The following GBP2 variants were observed in gnomAD, a reference collection of about 807,000 sequenced individuals.
GBP2 encodes the protein guanylate-binding protein 2.
A neutral mutation model predicts 60.8 loss-of-function variants in GBP2; 54 were observed. That is an observed-to-expected ratio of 0.89 (90% confidence interval 0.71 to 1.11). The LOEUF (loss-of-function observed/expected upper bound fraction) is 1.11, where lower values mean the gene tolerates loss of function less well. Ranked by LOEUF, GBP2 falls within the 50% of genes most tolerant of loss-of-function variation. The probability of loss-of-function intolerance (pLI) is 0.00; values close to 1 mark genes in which losing one functional copy is unlikely to be tolerated. For missense variants in GBP2, 665 were observed against 703.3 expected, an observed-to-expected ratio of 0.95 and a Z score of 0.62; for synonymous variants, 243 against 256.5, an observed-to-expected ratio of 0.95 and a Z score of 0.50.
chr1:89,121,637 T>G, intron 2 of GBP2, 140 bp downstream of exon 2: 1 of 852,228 alleles, frequency 1.2e-6, no homozygotes, highest in Non-Finnish European at 1.8e-6. Flanking sequence ...TCCTCCAAAG[T>G]CAATGTAAAG....
At chr1:89,124,507 C>A (rs79494675) in intron 1 of GBP2, among the ~76,000 whole-genome samples, 2,938 of 152,322 alleles carry the variant, frequency 0.019, 34 homozygotes, top group Middle Eastern at 0.065. Flanking sequence ...CTCATGTACA[C>A]AGTAATAGGA....
At chr1:89,121,055 A>T in intron 3 of GBP2, 88 bp downstream of exon 3, 3 of 952,346 alleles carry the variant, frequency 3.2e-6, no homozygotes, top group Non-Finnish European at 4.8e-6. Flanking sequence ...AGTAGGAGTG[A>T]TTGTGCAAAG....
intron 4 of GBP2, 107 bp downstream of exon 4, chr1:89,120,072 G>A: frequency 5.5e-6 from 4 of 731,034 alleles, no homozygotes; most frequent in South Asian, 1.6e-5. Flanking sequence ...ATTAAAGAGA[G>A]GACTTATGAA....
At chr1:89,119,486 T>C (rs1255230338) in intron 4 of GBP2, 1 of 152,278 alleles carries the variant, frequency 6.6e-6, no homozygotes, top group African/African-American at 2.4e-5. Flanking sequence ...AATAAGGTGA[T>C]GGAACTGAGA....
At chr1:89,124,374 G>A (rs948392196) in intron 1 of GBP2, among the ~76,000 whole-genome samples, 2 of 152,122 alleles carry the variant, frequency 1.3e-5, no homozygotes, top group South Asian at 4.1e-4. Context: ...GTATCTCACT[G>A]TTCAGAAAAT....
At chr1:89,109,009 C>T (rs1681108473) in intron 10 of GBP2, among the ~76,000 whole-genome samples, 1 of 151,980 alleles carries the variant, frequency 6.6e-6, no homozygotes, top group Non-Finnish European at 1.5e-5. Flanking sequence ...GATTCTCCTG[C>T]CTCAGCCTCC....
Position 89,108,231 on chromosome 1 carries a change from T to C in GBP2, c.1720A>G (p.Ile574Val), listed in dbSNP as rs1186781528. 3 of 1,613,586 alleles carry C rather than the reference T, an allele frequency of 1.9e-6. No individual in the cohort carries two copies. The highest frequency in any genetic ancestry group is 2.5e-6 in the Non-Finnish European group (3 of 1,179,788). The change falls in exon 11 of 11, where the codon ATA (isoleucine) becomes GTA (valine). Residue 574 changes from isoleucine (I) to valine (V), a missense_variant. Ile to Val is a conservative substitution (Grantham distance 29). Coordinates refer to ENST00000370466, the MANE Select transcript of GBP2 (RefSeq NM_004120.5). Reference protein sequence around the residue: ...ENESKRLQKDIWDIQMRSKSL... With the variant: ...ENESKRLQKDVWDIQMRSKSL... ...TTGCTTCTCATCTGGATATCCCATA[T>C]GTCTTTTTGAAGTCTCTTGCTCTCA... is the stretch of plus-strand genomic sequence containing the variant.
chr1:89,114,625 G>A (rs1681231742), intron 6 of GBP2, among the ~76,000 whole-genome samples: 1 of 152,190 alleles, frequency 6.6e-6, no homozygotes, highest in Non-Finnish European at 1.5e-5. Context: ...AAAAGTCAAT[G>A]AGAAAACTTA....
chr1:89,110,065 C>T lies in GBP2; in HGVS notation c.1465+99G>A, dbSNP rs149073470. On this transcript the variant is annotated intron_variant, in intron 9 of 10. Coordinates refer to ENST00000370466, the MANE Select transcript of GBP2 (RefSeq NM_004120.5). ...CTCATAGAACTATGAATGATACTTG[C>T]CATTCTTTCTCTACAATAATAATTC... 3.4e-4 allele frequency: 336 copies of T among 976,600 alleles called. 1 individual carries two copies. In the African/African-American group the frequency reaches 5.0e-3, roughly 15 times the overall value. 60.5% of individuals were successfully genotyped at this position (976,600 alleles called of 1,614,324 possible).
At position 89,107,551 on chromosome 1, in the gene GBP2, C is replaced by G. The variant is rs1009419409; in HGVS notation, c.*624G>C. Among the ~76,000 whole-genome samples, 6 of 152,180 alleles carry G rather than the reference C, an allele frequency of 3.9e-5. 1 individual carries two copies. The highest frequency in any genetic ancestry group is 1.4e-4 in the African/African-American group (6 of 41,456). On this transcript the variant is annotated 3_prime_UTR_variant, in exon 11 of 11. Transcript: ENST00000370466. ...TGCACAGAGGCAACCACTTTCTCTG[C>G]TAGTGCCCACAGATCATGCAGCCTC...
chr1:89,122,317 C>T (rs564969301), intron 1 of GBP2, among the ~76,000 whole-genome samples: 1 of 152,314 alleles, frequency 6.6e-6, no homozygotes, highest in South Asian at 2.1e-4. Flanking sequence ...TCCTTATTCA[C>T]ATTTCACCAG....
intron 2 of GBP2, 142 bp downstream of exon 2, chr1:89,121,635 A>G: frequency 1.2e-6 from 1 of 842,732 alleles, no homozygotes; most frequent in South Asian, 2.0e-5. Context: ...AATCCTCCAA[A>G]GTCAATGTAA....
intron 8 of GBP2, among the ~76,000 whole-genome samples, chr1:89,110,942 A>T (rs1241904624): frequency 1.3e-5 from 2 of 152,348 alleles, no homozygotes; most frequent in East Asian, 3.9e-4. Flanking sequence ...ACAATACATT[A>T]AAAGGATCAC....
intron 8 of GBP2, among the ~76,000 whole-genome samples, chr1:89,110,643 A>G (rs1681143135): frequency 6.6e-6 from 1 of 152,196 alleles, no homozygotes; most frequent in Non-Finnish European, 1.5e-5. Flanking sequence ...ATGTTCTCAC[A>G]CATAAATTGG....
intron 3 of GBP2, among the ~76,000 whole-genome samples, chr1:89,120,493 A>G (rs1681376492): frequency 6.6e-6 from 1 of 152,196 alleles, no homozygotes; most frequent in Admixed American, 6.5e-5. Flanking sequence ...TTATATATAA[A>G]TATATGTCAG....
Position 89,112,589 on chromosome 1 carries a change from A to C in GBP2, c.1245T>G (p.Pro415=). The C allele has an allele frequency of 6.2e-7, 1 of 1,614,170 alleles. No homozygotes were observed. The highest frequency in any genetic ancestry group is 8.5e-7 in the Non-Finnish European group (1 of 1,180,016). The change falls in exon 8 of 11, where the codon CCT becomes CCG. Residue 415 remains proline, a synonymous_variant. Transcript: ENST00000370466. ...CMALLQDIFG[P]LEEDVKQGTF... ...TTCCCTGCTTGACATCTTCTTCTAA[A>C]GGGCCAAATATATCCTGAAGTAAAG...
At position 89,121,872 on chromosome 1, in the gene GBP2, G is replaced by A. The variant is rs758866460; in HGVS notation, c.95C>T (p.Ser32Phe). 1.2e-6 allele frequency: 2 copies of A among 1,614,152 alleles called. No homozygotes were observed. The highest frequency in any genetic ancestry group is 1.1e-5 in the South Asian group (1 of 91,084). ...CACCACCACAGGCTGCGTAATTGCA[G>A]ATAGGATCTTCAGAGCTTCTGGATT... is the stretch of plus-strand genomic sequence containing the variant. ...VVNPEALKILSAITQPVVVVA... is the reference protein window; with the variant it reads ...VVNPEALKILFAITQPVVVVA... Residue 32 changes from serine to phenylalanine, a missense_variant, in exon 2 of 11, where the codon TCT (serine) becomes TTT (phenylalanine). Physicochemically the swap from Ser to Phe is radical, Grantham distance 155. Coordinates refer to ENST00000370466, the MANE Select transcript of GBP2 (RefSeq NM_004120.5).
At position 89,120,240 on chromosome 1, in the gene GBP2, T is replaced by C; in HGVS notation, c.367A>G (p.Ser123Gly). The C allele has an allele frequency of 6.2e-7, 1 of 1,613,978 alleles. No individual in the cohort carries two copies. The highest frequency in any genetic ancestry group is 8.5e-7 in the Non-Finnish European group (1 of 1,179,880). ...ATGCTATTGTACACGAAGGTGCTGC[T>C]CAGGAGGATGGCCAAGGCAAAGATC... ...SWIFALAILL[S>G]STFVYNSMGT... The change falls in exon 4 of 11, where the codon AGC (serine) becomes GGC (glycine). Residue 123 changes from serine to glycine, a missense_variant. Ser to Gly is a moderately conservative substitution (Grantham distance 56, BLOSUM62 0). Transcript: ENST00000370466.
chr1:89,108,401 C>T lies in GBP2; in HGVS notation c.1660-110G>A, dbSNP rs138933149. ...TTCAAGAATTTTTGACTATCACTCT[C>T]TTCTGAGTCTCCTATACCTGCCAAT... On this transcript the variant is annotated intron_variant, in intron 10 of 10. Transcript: ENST00000370466. 288 of 633,798 alleles carry T rather than the reference C, an allele frequency of 4.5e-4. 1 individual carries two copies. In the African/African-American group the frequency reaches 4.9e-3, roughly 11 times the overall value. The allele number at this position is 633,798 out of a possible 1,614,324, so 39.3% of individuals were successfully genotyped here.
Sources: allele counts gnomAD v4.1 joint callset (sites outside exome capture counted in the v4.1 genomes callset), GRCh38; gene constraint gnomAD v4.1.1; transcripts MANE v1.5; gene names NCBI Gene and HGNC (gene_info 2026-07-23, HGNC 2026-07-21).